Variants in CNOT4 observed in about 807,000 individuals in gnomAD.
The protein encoded by CNOT4 is CCR4-NOT transcription complex subunit 4.
CNOT4 carries 8 observed loss-of-function variants against 73.8 expected under a neutral mutation model. That is an observed-to-expected ratio of 0.11 (90% confidence interval 0.06 to 0.20). CNOT4 has a LOEUF of 0.20. CNOT4 is among the 10% of genes least tolerant of loss of function. The pLI, the probability that CNOT4 is intolerant of heterozygous loss-of-function variation, is 1.00. For missense variants in CNOT4, 564 were observed against 883.4 expected, an observed-to-expected ratio of 0.64 and a Z score of 4.58; for synonymous variants, 293 against 321.1, an observed-to-expected ratio of 0.91 and a Z score of 0.94.
chr7:135,456,840 C>T (rs896833045), intron 1 of CNOT4, among the ~76,000 whole-genome samples: 3 of 151,924 alleles, frequency 2.0e-5, no homozygotes, highest in Non-Finnish European at 4.4e-5. Flanking sequence ...GTACTATCTG[C>T]GGTTTCAGGC....
At chr7:135,379,849 A>G (rs1447827018) in intron 10 of CNOT4, among the ~76,000 whole-genome samples, 1 of 152,230 alleles carries the variant, frequency 6.6e-6, no homozygotes, top group African/African-American at 2.4e-5. Context: ...ATATAACACG[A>G]CAATGTTTTA....
chr7:135,499,633 C>T (rs149877830), intron 1 of CNOT4, among the ~76,000 whole-genome samples: 4 of 152,240 alleles, frequency 2.6e-5, no homozygotes, highest in African/African-American at 7.2e-5. Context: ...AAAGTCATCC[C>T]ATACTCCAAG....
chr7:135,470,563 C>T (rs1199505794), intron 1 of CNOT4, among the ~76,000 whole-genome samples: 1 of 113,792 alleles, frequency 8.8e-6, no homozygotes, highest in East Asian at 2.9e-4. Flanking sequence ...CAGAGCTAGA[C>T]TCTGTCTTAA....
intron 1 of CNOT4, among the ~76,000 whole-genome samples, chr7:135,479,896 AC>A (rs1211082296): frequency 6.6e-6 from 1 of 152,202 alleles, no homozygotes; most frequent in East Asian, 1.9e-4. Flanking sequence ...CATCAAAAAA[AC>A]AAAACAAAAC....
At chr7:135,418,621 A>G (rs1349479782) in intron 3 of CNOT4, among the ~76,000 whole-genome samples, 1 of 152,226 alleles carries the variant, frequency 6.6e-6, no homozygotes. Context: ...GAACTGTAAG[A>G]CCACGGACAA....
At chr7:135,505,125 A>G (rs1804279041) in intron 1 of CNOT4, among the ~76,000 whole-genome samples, 1 of 152,146 alleles carries the variant, frequency 6.6e-6, no homozygotes, top group Non-Finnish European at 1.5e-5. Flanking sequence ...TTGTTTTTGA[A>G]CAGTTATCTG....
At chr7:135,484,199 T>G (rs953804592) in intron 1 of CNOT4, among the ~76,000 whole-genome samples, 1 of 151,654 alleles carries the variant, frequency 6.6e-6, no homozygotes, top group African/African-American at 2.4e-5. Flanking sequence ...CATCTCAAAA[T>G]AAATAAATTA....
chr7:135,444,960 T>C, intron 1 of CNOT4: 6 of 1,457,730 alleles, frequency 4.1e-6, no homozygotes, highest in Non-Finnish European at 5.7e-6. Context: ...TTTGAAGAAC[T>C]GATGTAAGCC....
At chr7:135,504,021 A>AATTC (rs1191609445) in intron 1 of CNOT4, among the ~76,000 whole-genome samples, 1 of 152,182 alleles carries the variant, frequency 6.6e-6, no homozygotes, top group Non-Finnish European at 1.5e-5. Context: ...TATTTTAGAA[A>AATTC]ATTCACAATC....
At chr7:135,379,599 T>C (rs1233880041) in intron 10 of CNOT4, among the ~76,000 whole-genome samples, 1 of 152,116 alleles carries the variant, frequency 6.6e-6, no homozygotes. Flanking sequence ...TGTGTATATA[T>C]ATATCAGCCA....
At chr7:135,449,059 T>C (rs1019904214) in intron 1 of CNOT4, among the ~76,000 whole-genome samples, 1 of 152,278 alleles carries the variant, frequency 6.6e-6, no homozygotes, top group East Asian at 1.9e-4. Context: ...ATGATGACTG[T>C]ATAAAAATGA....
chr7:135,499,694 T>G (rs558777420), intron 1 of CNOT4, among the ~76,000 whole-genome samples: 1 of 152,112 alleles, frequency 6.6e-6, no homozygotes, highest in Non-Finnish European at 1.5e-5. Context: ...CAGCTATCAC[T>G]GAAGATATTC....
chr7:135,413,800 T>G (rs1326700687), intron 5 of CNOT4, among the ~76,000 whole-genome samples, 187 bp from the exon 6 acceptor site: 1 of 152,032 alleles, frequency 6.6e-6, no homozygotes, highest in Non-Finnish European at 1.5e-5. Flanking sequence ...TGAGGCTCAT[T>G]TGGAAGAACT....
At chr7:135,450,545 G>T (rs1411506297) in intron 1 of CNOT4, among the ~76,000 whole-genome samples, 1 of 152,064 alleles carries the variant, frequency 6.6e-6, no homozygotes, top group Non-Finnish European at 1.5e-5. Context: ...GTACAGACGG[G>T]GTTTCACCAT....
chr7:135,432,776 T>C (rs992352625), intron 2 of CNOT4, among the ~76,000 whole-genome samples: 1 of 152,232 alleles, frequency 6.6e-6, no homozygotes, highest in Non-Finnish European at 1.5e-5. Flanking sequence ...GAAAATGTCT[T>C]TTAGTGTACC....
chr7:135,453,797 TATA>T (rs924000996), intron 1 of CNOT4, among the ~76,000 whole-genome samples: 2 of 134,558 alleles, frequency 1.5e-5, no homozygotes, highest in Non-Finnish European at 3.1e-5. Context: ...TATTTTTATA[TATA>T]AATATATATA....
At position 135,398,164 on chromosome 7, in the gene CNOT4, C is replaced by A. The variant is rs1332879073; in HGVS notation, c.879+5G>T. On this transcript the variant is annotated splice_donor_5th_base_variant and intron_variant, in intron 8 of 11. Coordinates refer to ENST00000541284, the MANE Select transcript of CNOT4 (RefSeq NM_001190850.2). ...AAATCAAGTGATACTGTATTCAAAT[C>A]TTACCTGCTGGGAATTATCACCGTT... The A allele has an allele frequency of 6.7e-7, 1 of 1,488,208 alleles. No homozygotes were observed. Among genetic ancestry groups the A allele is most frequent in the Admixed American group, 1.7e-5 (1 of 59,402 alleles). 92.2% of individuals were successfully genotyped at this position (1,488,208 alleles called of 1,614,324 possible).
intron 10 of CNOT4, among the ~76,000 whole-genome samples, chr7:135,391,473 C>T (rs1796397823): frequency 1.3e-5 from 2 of 151,990 alleles, no homozygotes; most frequent in Admixed American, 1.3e-4. Flanking sequence ...CTCTCCCACC[C>T]CCTACCAAAT....
At chr7:135,398,103 C>T in intron 8 of CNOT4, 66 bp downstream of exon 8, 1 of 852,212 alleles carries the variant, frequency 1.2e-6, no homozygotes, top group Non-Finnish European at 2.0e-6. Flanking sequence ...GAAAATTCAC[C>T]TGCATGGAAT....
Sources: gnomAD v4.1 joint callset for allele counts (sites outside exome capture counted in the v4.1 genomes callset) on GRCh38, gnomAD v4.1.1 for gene constraint, MANE v1.5 for transcripts, NCBI Gene and HGNC (gene_info 2026-07-23, HGNC 2026-07-21) for gene names.